Variants in PLEKHS1 observed in about 807,000 individuals in gnomAD.
The protein encoded by PLEKHS1 is pleckstrin homology domain-containing family S member 1.
In PLEKHS1, 55 loss-of-function variants were observed where a neutral mutation model predicts 51.0. That is an observed-to-expected ratio of 1.08 (90% CI 0.87 to 1.35). PLEKHS1 has a LOEUF of 1.35. Ranked by LOEUF, PLEKHS1 falls within the 40% of genes most tolerant of loss-of-function variation. The pLI, the probability that PLEKHS1 is intolerant of heterozygous loss-of-function variation, is 0.00. For missense variants in PLEKHS1, 398 were observed against 423.0 expected (o/e 0.94, Z 0.52); for synonymous variants, 153 against 144.8 (o/e 1.06, Z -0.41).
intron 2 of PLEKHS1, among the ~76,000 whole-genome samples, chr10:113,758,959 G>T (rs1246827149): frequency 3.3e-5 from 5 of 152,022 alleles, no homozygotes; most frequent in Non-Finnish European, 7.4e-5. Context: ...TTGAAAAAAT[G>T]GTCCCAGTAG....
At chr10:113,762,363 TCC>T (rs1670918059) in intron 2 of PLEKHS1, among the ~76,000 whole-genome samples, 1 of 130,866 alleles carries the variant, frequency 7.6e-6, no homozygotes, top group South Asian at 2.6e-4. Flanking sequence ...TTAGATTTGT[TCC>T]TTTTTTTTTT....
chr10:113,757,159 C>T (rs956528907), intron 2 of PLEKHS1, among the ~76,000 whole-genome samples: 2 of 152,122 alleles, frequency 1.3e-5, no homozygotes, highest in South Asian at 4.1e-4. Context: ...GTGATCCACC[C>T]GCCTTGGCCT....
chr10:113,771,617 G>T (rs978707670), intron 7 of PLEKHS1, among the ~76,000 whole-genome samples: 1 of 149,518 alleles, frequency 6.7e-6, no homozygotes, highest in African/African-American at 2.5e-5. Flanking sequence ...GGAGGTTGCT[G>T]TGAGCCGAGA....
At chr10:113,762,784 T>C (rs1844000159) in intron 2 of PLEKHS1, among the ~76,000 whole-genome samples, 2 of 151,992 alleles carry the variant, frequency 1.3e-5, no homozygotes, top group Admixed American at 1.3e-4. Context: ...GTATACTCTA[T>C]TGTCATTGAG....
intron 1 of PLEKHS1, among the ~76,000 whole-genome samples, chr10:113,753,097 G>A (rs1477532891): frequency 6.6e-6 from 1 of 152,122 alleles, no homozygotes; most frequent in East Asian, 1.9e-4. Flanking sequence ...ACAAACAGCA[G>A]CTCAAAAACA....
At chr10:113,771,828 G>A in intron 7 of PLEKHS1, 142 bp from the exon 8 acceptor site, 1 of 955,740 alleles carries the variant, frequency 1.0e-6, no homozygotes, top group Non-Finnish European at 1.5e-6. Context: ...AGTTCAAGTT[G>A]TGTGAGCTTC....
chr10:113,755,297 A>G (rs1854057880), exon 2 of PLEKHS1: 2 of 1,609,134 alleles, frequency 1.2e-6, no homozygotes, highest in Admixed American at 1.7e-5. Flanking sequence ...AAACCTCAGA[A>G]GAGTCCAGGT....
chr10:113,768,378 T>G (rs1421228989), intron 5 of PLEKHS1, among the ~76,000 whole-genome samples: 1 of 152,182 alleles, frequency 6.6e-6, no homozygotes, highest in Non-Finnish European at 1.5e-5. Flanking sequence ...CAAAGCTTCC[T>G]TTTAAGTTGT....
intron 11 of PLEKHS1, chr10:113,777,746 C>T (rs1844740871): frequency 6.8e-7 from 1 of 1,462,698 alleles, no homozygotes; most frequent in Non-Finnish European, 9.0e-7. Flanking sequence ...GAATGTTATT[C>T]AAGCCCATTT....
chr10:113,753,134 A>T (rs1475663533), intron 1 of PLEKHS1, among the ~76,000 whole-genome samples: 1 of 152,136 alleles, frequency 6.6e-6, no homozygotes, highest in African/African-American at 2.4e-5. Flanking sequence ...GCTTTAAAAT[A>T]TGCCACCCAC....
intron 1 of PLEKHS1, 116 bp from the exon 2 acceptor site, chr10:113,755,143 A>G: frequency 1.7e-6 from 2 of 1,160,484 alleles, no homozygotes; most frequent in Non-Finnish European, 2.4e-6. Context: ...GAGACTCACA[A>G]CCCATCTCAG....
chr10:113,769,013 A>C, intron 6 of PLEKHS1, 123 bp downstream of exon 6: 1 of 607,124 alleles, frequency 1.6e-6, no homozygotes, highest in Non-Finnish European at 2.7e-6. Flanking sequence ...TAAATAAATG[A>C]GAAAATGTAC....
rs537029397 is a variant in PLEKHS1, at chr10:113,769,729, T to C, written c.436-55T>C. ...AGGAGCCCGGTAGAGAGGCTGCCGT[T>C]TCATTCCAGACAGAGATCAACTGTG... On this transcript the variant is annotated intron_variant, in intron 6 of 11. Coordinates refer to ENST00000361048, the Ensembl canonical transcript of PLEKHS1. 7.8e-6 allele frequency: 9 copies of C among 1,148,524 alleles called. No homozygotes were observed. The East Asian group carries it at 1.2e-4, about 15-fold the overall frequency. 71.1% of individuals were successfully genotyped at this position (1,148,524 alleles called of 1,614,324 possible).
chr10:113,775,943 G>T, intron 11 of PLEKHS1, 77 bp downstream of exon 11: 1 of 1,136,536 alleles, frequency 8.8e-7, no homozygotes, highest in Non-Finnish European at 1.3e-6. Context: ...TCTTGAAACA[G>T]TGTATTTGGC....
chr10:113,782,092 T>A (rs1208357716), exon 12 of PLEKHS1: 2 of 152,104 alleles, frequency 1.3e-5, no homozygotes, highest in Non-Finnish European at 2.9e-5. Flanking sequence ...TTTATATAAA[T>A]AGGAAAACAA....
chr10:113,779,367 G>A (rs1230661580), intron 11 of PLEKHS1, among the ~76,000 whole-genome samples: 6 of 152,088 alleles, frequency 3.9e-5, no homozygotes, highest in African/African-American at 1.2e-4. Context: ...TCAGGAATTC[G>A]AGACCAGCCT....
exon 7 of PLEKHS1, chr10:113,769,890 T>A: frequency 6.2e-7 from 1 of 1,612,220 alleles, no homozygotes; most frequent in Non-Finnish European, 8.5e-7. Context: ...AGAAATGGTC[T>A]CCAAGACAAG....
In PLEKHS1 at chr10:113,769,941, A is replaced by C. The variant is rs773841767; in HGVS notation, c.552+41A>C. On this transcript the variant is annotated intron_variant, in intron 7 of 11. Transcript: ENST00000361048. ...TCTTTCTCAGGACACCACACCTGGG[A>C]GGCAGCTAATGCCTAAAAATCTTAC... The C allele has an allele frequency of 3.5e-5, 50 of 1,445,892 alleles. No individual in the cohort carries two copies. In the Admixed American group the frequency reaches 8.2e-4, roughly 24 times the overall value. 89.6% of individuals were successfully genotyped at this position (1,445,892 alleles called of 1,614,324 possible).
At chr10:113,760,983 T>G (rs996762968) in intron 2 of PLEKHS1, among the ~76,000 whole-genome samples, 1 of 152,202 alleles carries the variant, frequency 6.6e-6, no homozygotes, top group Admixed American at 6.5e-5. Context: ...CTTCATTATT[T>G]GGGATGACAT....
Sources: allele counts gnomAD v4.1 joint callset (sites outside exome capture counted in the v4.1 genomes callset), GRCh38; gene constraint gnomAD v4.1.1; transcripts MANE v1.5; gene names NCBI Gene and HGNC (gene_info 2026-07-23, HGNC 2026-07-21).